THSD4: variants seen among roughly 807,000 people sequenced by gnomAD.
THSD4 encodes thrombospondin type-1 domain-containing protein 4.
THSD4 carries 69 observed loss-of-function variants against 119.0 expected under a neutral mutation model. The observed-to-expected ratio is 0.58, with a 90% CI of 0.48 to 0.71. The LOEUF (loss-of-function observed/expected upper bound fraction) is 0.71. THSD4 is among the 30% of genes least tolerant of loss of function. The pLI is 0.00. For synonymous variants in THSD4, 524 were observed against 540.4 expected (o/e 0.97, Z 0.42); for missense variants, 1,393 against 1,391.1 (o/e 1.00, Z -0.02).
At chr15:71,540,355 C>T (rs542216632) in intron 7 of THSD4, among the ~76,000 whole-genome samples, 3 of 151,150 alleles carry the variant, frequency 2.0e-5, no homozygotes, top group South Asian at 2.1e-4. Flanking sequence ...TCAGGCTGGT[C>T]TCGAACTCCT....
At chr15:71,710,236 G>T (rs757033658) in intron 8 of THSD4, among the ~76,000 whole-genome samples, 7 of 152,180 alleles carry the variant, frequency 4.6e-5, no homozygotes, top group Non-Finnish European at 1.0e-4. Flanking sequence ...TCCACCCTCT[G>T]TTCCAGGATG....
intron 8 of THSD4, among the ~76,000 whole-genome samples, chr15:71,673,771 G>A (rs544672802): frequency 4.6e-5 from 7 of 152,152 alleles, no homozygotes; most frequent in Non-Finnish European, 7.4e-5. Context: ...TCAGGAGCAG[G>A]TTGTTCAGAG....
intron 14 of THSD4, among the ~76,000 whole-genome samples, chr15:71,751,751 T>C (rs1481065296): frequency 6.6e-6 from 1 of 152,180 alleles, no homozygotes; most frequent in Non-Finnish European, 1.5e-5. Flanking sequence ...CACTGAAGCC[T>C]TGACCTCCTG....
intron 6 of THSD4, among the ~76,000 whole-genome samples, chr15:71,308,749 T>C (rs375063391): frequency 1.3e-5 from 2 of 152,346 alleles, no homozygotes; most frequent in South Asian, 2.1e-4. Flanking sequence ...GCCTTGGGTA[T>C]ATGCCTGGGA....
intron 8 of THSD4, among the ~76,000 whole-genome samples, chr15:71,717,497 T>C (rs971899439): frequency 6.6e-6 from 1 of 150,908 alleles, no homozygotes; most frequent in Non-Finnish European, 1.5e-5. Flanking sequence ...GTGGACCTTA[T>C]ACAACAAAAT....
At chr15:71,692,336 C>G (rs2052071372) in intron 8 of THSD4, among the ~76,000 whole-genome samples, 5 of 152,230 alleles carry the variant, frequency 3.3e-5, no homozygotes, top group Admixed American at 2.6e-4. Context: ...CAGAGCATCC[C>G]TCAAAACACG....
intron 6 of THSD4, among the ~76,000 whole-genome samples, chr15:71,328,102 A>G (rs1220697402): frequency 6.6e-6 from 1 of 152,196 alleles, no homozygotes; most frequent in Admixed American, 6.5e-5. Flanking sequence ...TCACTGCTGC[A>G]TTCTGCTGGG....
At chr15:71,691,267 C>T (rs796300354) in intron 8 of THSD4, among the ~76,000 whole-genome samples, 9 of 152,360 alleles carry the variant, frequency 5.9e-5, no homozygotes, top group Middle Eastern at 6.8e-3. Flanking sequence ...TTTCAGACTT[C>T]TGACCTCCAG....
At chr15:71,129,389 G>C (rs996348686) in intron 1 of THSD4, among the ~76,000 whole-genome samples, 1 of 152,202 alleles carries the variant, frequency 6.6e-6, no homozygotes, top group Non-Finnish European at 1.5e-5. Context: ...TTGAGTCATA[G>C]GGAGAGCCAA....
chr15:71,459,082 C>T (rs2047379252), intron 7 of THSD4, among the ~76,000 whole-genome samples: 1 of 151,948 alleles, frequency 6.6e-6, no homozygotes, highest in Admixed American at 6.6e-5. Context: ...ATACTTTACA[C>T]AGCTTTCTCA....
chr15:71,595,326 C>T (rs112418534), intron 7 of THSD4, among the ~76,000 whole-genome samples: 163 of 152,210 alleles, frequency 1.1e-3, no homozygotes, highest in African/African-American at 3.7e-3. Context: ...TGGAGGGACC[C>T]GGCAGGAGGT....
chr15:71,281,710 T>G (rs374959885), intron 6 of THSD4, among the ~76,000 whole-genome samples: 13 of 152,354 alleles, frequency 8.5e-5, no homozygotes, highest in African/African-American at 2.9e-4. Flanking sequence ...CCTTTCTCCA[T>G]AGCATGAAGA....
At chr15:71,690,232 T>A (rs1347176267) in intron 8 of THSD4, among the ~76,000 whole-genome samples, 1 of 152,238 alleles carries the variant, frequency 6.6e-6, no homozygotes, top group Admixed American at 6.5e-5. Flanking sequence ...TTACATTTTT[T>A]AAGATCTTTT....
intron 4 of THSD4, among the ~76,000 whole-genome samples, chr15:71,237,528 C>T (rs571916165): frequency 6.6e-6 from 1 of 152,202 alleles, no homozygotes; most frequent in East Asian, 1.9e-4. Flanking sequence ...AAGTGCAGTC[C>T]CAGGACCCAC....
chr15:71,492,470 A>AG (rs1243344019), intron 7 of THSD4, among the ~76,000 whole-genome samples: 7 of 151,736 alleles, frequency 4.6e-5, no homozygotes, highest in Admixed American at 3.9e-4. Context: ...TTTTTAATAG[A>AG]GGGGGGGAGT....
At chr15:71,562,886 T>TAGAA (rs539037547) in intron 7 of THSD4, among the ~76,000 whole-genome samples, 666 of 152,186 alleles carry the variant, frequency 4.4e-3, no homozygotes, top group Middle Eastern at 6.8e-3. Flanking sequence ...GTATTTTTAG[T>TAGAA]AGAAACGGGG....
At chr15:71,554,502 C>T (rs2048987793) in intron 7 of THSD4, among the ~76,000 whole-genome samples, 1 of 152,126 alleles carries the variant, frequency 6.6e-6, no homozygotes, top group Non-Finnish European at 1.5e-5. Context: ...AATCCTCCTG[C>T]CTCAGCCTTC....
chr15:71,416,490 C>G (rs75063047), intron 7 of THSD4, among the ~76,000 whole-genome samples: 2,013 of 107,672 alleles, frequency 0.019, 606 homozygotes, highest in African/African-American at 0.06. Context: ...TCCTCACCAT[C>G]ATTTGTTATT....
intron 5 of THSD4, among the ~76,000 whole-genome samples, chr15:71,251,735 A>G (rs1187736360): frequency 6.6e-6 from 1 of 152,000 alleles, no homozygotes; most frequent in Non-Finnish European, 1.5e-5. Flanking sequence ...TCTCCTGGGG[A>G]GATGACAGTA....
Sources: gnomAD v4.1 joint callset for allele counts (sites outside exome capture counted in the v4.1 genomes callset) on GRCh38, gnomAD v4.1.1 for gene constraint, MANE v1.5 for transcripts, NCBI Gene and HGNC (gene_info 2026-07-23, HGNC 2026-07-21) for gene names.